The following ATXN1 variants were observed in gnomAD, a reference collection of about 807,000 sequenced individuals.
The protein encoded by ATXN1 is ataxin 1.
Under a neutral mutation model 56.4 loss-of-function variants are expected in ATXN1, and 8 were observed. The observed-to-expected ratio is 0.14, with a 90% confidence interval of 0.08 to 0.26. ATXN1 has a LOEUF of 0.26. Ranked by LOEUF, ATXN1 falls within the 10% of genes least tolerant of loss-of-function variation. The probability of loss-of-function intolerance (pLI) is 1.00; values close to 1 mark genes in which losing one functional copy is unlikely to be tolerated. For missense variants in ATXN1, 987 were observed against 1,106.5 expected, an observed-to-expected ratio of 0.89 and a Z score of 1.53; for synonymous variants, 514 against 494.6, an observed-to-expected ratio of 1.04 and a Z score of -0.52.
At chr6:16,630,020 G>A (rs1233419519) in intron 3 of ATXN1, among the ~76,000 whole-genome samples, 4 of 152,076 alleles carry the variant, frequency 2.6e-5, no homozygotes, top group Non-Finnish European at 5.9e-5. Flanking sequence ...CCATTTATTA[G>A]ATATTATAAA....
chr6:16,325,549 A>G (rs565906678), intron 7 of ATXN1, among the ~76,000 whole-genome samples: 19 of 152,134 alleles, frequency 1.2e-4, no homozygotes, highest in African/African-American at 4.6e-4. Flanking sequence ...ATGAAACCAC[A>G]ATAAAGGCTG....
chr6:16,614,289 T>C (rs895042203), intron 3 of ATXN1, among the ~76,000 whole-genome samples: 12 of 150,946 alleles, frequency 7.9e-5, no homozygotes, highest in African/African-American at 2.7e-4. Flanking sequence ...TGATGGTACA[T>C]GACTCTTTCT....
intron 6 of ATXN1, among the ~76,000 whole-genome samples, chr6:16,424,553 C>T (rs1759109634): frequency 6.6e-6 from 1 of 152,190 alleles, no homozygotes; most frequent in South Asian, 2.1e-4. Flanking sequence ...CAGACCAGCT[C>T]ATGCCCCACA....
At chr6:16,570,361 G>A (rs1039717428) in intron 4 of ATXN1, among the ~76,000 whole-genome samples, 4 of 152,194 alleles carry the variant, frequency 2.6e-5, no homozygotes, top group African/African-American at 9.7e-5. Flanking sequence ...TACTTTGAGT[G>A]TCCTTGTGAG....
At chr6:16,727,598 T>C (rs1012497300) in intron 2 of ATXN1, among the ~76,000 whole-genome samples, 4 of 152,202 alleles carry the variant, frequency 2.6e-5, no homozygotes, top group Non-Finnish European at 5.9e-5. Flanking sequence ...ACAAATTATG[T>C]ATATATAATC....
chr6:16,515,775 A>G (rs919674463), intron 5 of ATXN1, among the ~76,000 whole-genome samples: 5 of 152,210 alleles, frequency 3.3e-5, no homozygotes, highest in Non-Finnish European at 5.9e-5. Flanking sequence ...TCTGTTCACC[A>G]GGACCCCAGA....
chr6:16,638,445 CA>C (rs11310261), intron 3 of ATXN1, among the ~76,000 whole-genome samples: 39,361 of 92,666 alleles, frequency 0.42, 6,260 homozygotes, highest in East Asian at 0.58. Flanking sequence ...GACGCTGCCT[CA>C]AAAAAAAAAA....
intron 6 of ATXN1, among the ~76,000 whole-genome samples, chr6:16,418,132 T>C (rs1758954335): frequency 6.6e-6 from 1 of 152,196 alleles, no homozygotes; most frequent in African/African-American, 2.4e-5. Flanking sequence ...GAAAAGATAT[T>C]TGGCACATAA....
At chr6:16,583,691 C>G (rs1479499230) in intron 4 of ATXN1, among the ~76,000 whole-genome samples, 1 of 152,210 alleles carries the variant, frequency 6.6e-6, no homozygotes, top group African/African-American at 2.4e-5. Context: ...AGGGTGCCCC[C>G]AGCCAGGTGA....
chr6:16,579,522 C>A (rs1419503597), intron 4 of ATXN1, among the ~76,000 whole-genome samples: 2 of 139,234 alleles, frequency 1.4e-5, no homozygotes. Context: ...AGTCCAAGGG[C>A]GTTTCACTTG....
chr6:16,684,628 TA>T (rs748214290), intron 2 of ATXN1, among the ~76,000 whole-genome samples: 18 of 152,338 alleles, frequency 1.2e-4, no homozygotes, highest in Non-Finnish European at 2.2e-4. Flanking sequence ...ATGACAGGCC[TA>T]AGACTTCCAC....
At chr6:16,752,398 AG>A (rs1294318978) in intron 2 of ATXN1, among the ~76,000 whole-genome samples, 2 of 152,190 alleles carry the variant, frequency 1.3e-5, no homozygotes, top group Non-Finnish European at 2.9e-5. Context: ...CATCAAGTCT[AG>A]GGTGGAGCTC....
intron 2 of ATXN1, among the ~76,000 whole-genome samples, chr6:16,668,928 T>A (rs1758484323): frequency 1.3e-5 from 2 of 152,074 alleles, no homozygotes; most frequent in African/African-American, 4.8e-5. Context: ...TGAATATTAT[T>A]ATTTGGATGA....
At chr6:16,368,718 G>A (rs761559763) in intron 6 of ATXN1, among the ~76,000 whole-genome samples, 3 of 152,102 alleles carry the variant, frequency 2.0e-5, no homozygotes, top group Non-Finnish European at 4.4e-5. Context: ...ATGTGATGAG[G>A]AATAGTAATG....
intron 2 of ATXN1, among the ~76,000 whole-genome samples, chr6:16,734,474 G>T (rs1018492147): frequency 2.0e-5 from 3 of 152,162 alleles, no homozygotes; most frequent in African/African-American, 7.2e-5. Flanking sequence ...ACAGTGATCT[G>T]GCTGGTGTGC....
At chr6:16,522,184 T>C (rs781508964) in intron 5 of ATXN1, among the ~76,000 whole-genome samples, 4 of 152,120 alleles carry the variant, frequency 2.6e-5, no homozygotes, top group Non-Finnish European at 5.9e-5. Context: ...CATCTGTACA[T>C]AGGGCCTTTG....
chr6:16,514,696 A>G (rs1352173644), intron 5 of ATXN1, among the ~76,000 whole-genome samples: 1 of 152,116 alleles, frequency 6.6e-6, no homozygotes, highest in East Asian at 1.9e-4. Flanking sequence ...CAGGCTCTCT[A>G]TCTCATGGGA....
chr6:16,711,419 TA>T (rs1326028231), intron 2 of ATXN1, among the ~76,000 whole-genome samples: 1 of 151,918 alleles, frequency 6.6e-6, no homozygotes, highest in Non-Finnish European at 1.5e-5. Context: ...CATTAAAATT[TA>T]AAGGGGCTCA....
chr6:16,578,812 T>C (rs767258531), intron 4 of ATXN1, among the ~76,000 whole-genome samples: 29 of 151,580 alleles, frequency 1.9e-4, no homozygotes, highest in Admixed American at 3.3e-4. Context: ...TTGGGGTGTG[T>C]GTAGGGGATT....
Sources: allele counts gnomAD v4.1 joint callset (sites outside exome capture counted in the v4.1 genomes callset), GRCh38; gene constraint gnomAD v4.1.1; transcripts MANE v1.5; gene names NCBI Gene and HGNC (gene_info 2026-07-23, HGNC 2026-07-21).